SETD5: variants seen among roughly 807,000 people sequenced by gnomAD.
SETD5 encodes the protein SET domain containing 5.
Under a neutral mutation model 153.3 loss-of-function variants are expected in SETD5, and 44 were observed. The ratio of observed to expected loss-of-function variants is 0.29; its 90% CI spans 0.23 to 0.37. The LOEUF (loss-of-function observed/expected upper bound fraction) is 0.37. Ranked by LOEUF, SETD5 falls within the 10% of genes least tolerant of loss-of-function variation. The probability of loss-of-function intolerance (pLI) is 1.00; values close to 1 mark genes in which losing one functional copy is unlikely to be tolerated. For missense variants in SETD5, 1,544 were observed against 1,768.0 expected, an observed-to-expected ratio of 0.87 and a Z score of 2.27; for synonymous variants, 716 against 645.2, an observed-to-expected ratio of 1.11 and a Z score of -1.66.
intron 18 of SETD5, chr3:9,464,878 C>A: frequency 1.6e-6 from 1 of 637,158 alleles, no homozygotes; most frequent in Non-Finnish European, 2.7e-6. Context: ...AATAGGCATA[C>A]TGCTACCACA....
At chr3:9,457,040 A>C (rs547903126) in intron 17 of SETD5, among the ~76,000 whole-genome samples, 1 of 152,168 alleles carries the variant, frequency 6.6e-6, no homozygotes, top group East Asian at 1.9e-4. Flanking sequence ...GAAGAAAGAA[A>C]TACACTAAAT....
intron 15 of SETD5, 128 bp from the exon 16 acceptor site, chr3:9,448,260 A>T: frequency 2.1e-5 from 29 of 1,378,454 alleles, no homozygotes; most frequent in Non-Finnish European, 2.7e-5. Flanking sequence ...CTTGTGTTCT[A>T]GTTGCTCAAT....
chr3:9,406,431 C>T (rs140872590), intron 1 of SETD5, among the ~76,000 whole-genome samples: 12 of 150,432 alleles, frequency 8.0e-5, no homozygotes, highest in African/African-American at 2.9e-4. Context: ...GAAATATATT[C>T]GGTGGAATGC....
intron 1 of SETD5, among the ~76,000 whole-genome samples, chr3:9,416,109 A>G (rs1421786948): frequency 2.0e-5 from 3 of 152,096 alleles, no homozygotes; most frequent in Non-Finnish European, 4.4e-5. Flanking sequence ...TTGGTTTGTG[A>G]CACTCAGTGT....
intron 18 of SETD5, chr3:9,468,408 G>A (rs920119171): frequency 1.0e-4 from 79 of 783,320 alleles, no homozygotes; most frequent in Middle Eastern, 2.8e-4. Flanking sequence ...CAACTTCCCC[G>A]CCCCCGAAAA....
rs1466785192 is a variant in SETD5, at chr3:9,430,072, CCT to C, written c.71+1064_71+1065del. 1.2e-5 allele frequency: 13 copies of C among 1,053,646 alleles called. No individual in the cohort carries two copies. The Admixed American group carries it at 1.6e-4, about 13-fold the overall frequency. 65.3% of individuals were successfully genotyped at this position (1,053,646 alleles called of 1,614,324 possible). A position where few individuals can be genotyped will look rare whatever the true frequency, so the allele number is the denominator to read the frequency against. ...GTGAGGTGGGTGTTGCTCTAATTCC[CCT>C]GTTTCTCTTGCCATTTTCACAGTCC... On this transcript the variant is annotated intron_variant, in intron 3 of 22. Coordinates refer to ENST00000402198, the MANE Select transcript of SETD5 (RefSeq NM_001080517.3).
chr3:9,446,757 C>T (rs995206356), intron 13 of SETD5, among the ~76,000 whole-genome samples: 6 of 152,152 alleles, frequency 3.9e-5, no homozygotes, highest in African/African-American at 4.8e-5. Context: ...TCCCAAAGTA[C>T]TGGGATTACA....
intron 1 of SETD5, among the ~76,000 whole-genome samples, chr3:9,414,923 A>G (rs533591337): frequency 6.6e-6 from 1 of 152,290 alleles, no homozygotes; most frequent in African/African-American, 2.4e-5. Flanking sequence ...CTCAGGAAAA[A>G]ATAAGTTTAT....
intron 1 of SETD5, among the ~76,000 whole-genome samples, chr3:9,414,648 A>G (rs1267778572): frequency 6.6e-6 from 1 of 152,198 alleles, no homozygotes; most frequent in Non-Finnish European, 1.5e-5. Flanking sequence ...CAGAAGAATT[A>G]CTAGTTCTCC....
At chr3:9,459,306 G>T (rs1387576920) in intron 17 of SETD5, among the ~76,000 whole-genome samples, 1 of 152,118 alleles carries the variant, frequency 6.6e-6, no homozygotes, top group African/African-American at 2.4e-5. Context: ...GGTAGAATTT[G>T]TAATTTTATC....
chr3:9,441,648 C>T lies in SETD5; in HGVS notation c.866C>T (p.Ala289Val). 6.2e-7 allele frequency: 1 copy of T among 1,613,914 alleles called. No individual in the cohort carries two copies. Among genetic ancestry groups the T allele is most frequent in the Non-Finnish European group, 8.5e-7 (1 of 1,179,840 alleles). ...VQKHRKILRA[A>V]RDLALDTLII... The stretch of plus-strand genomic sequence containing the variant: ...AAGCACCGGAAGATCCTGAGGGCTG[C>T]AAGAGATTTGGCTTTGGACACTCTT... Residue 289 changes from alanine (A) to valine (V), a missense_variant, in exon 9 of 23, where the codon GCA becomes GTA. This residue lies in a region of SETD5 where 30 missense variants were observed against 66.0 expected (regional missense o/e 0.45). Coordinates refer to ENST00000402198, the MANE Select transcript of SETD5 (RefSeq NM_001080517.3).
At position 9,440,709 on chromosome 3, in the gene SETD5, A is replaced by G. The variant is rs751068356; in HGVS notation, c.810+11A>G. 3.1e-6 allele frequency: 5 copies of G among 1,611,000 alleles called. No homozygotes were observed. The highest frequency in any genetic ancestry group is 2.5e-6 in the Non-Finnish European group (3 of 1,178,544). ...GGTTCCCAAATGCAGGTAAGCACCA[A>G]AGGGTTGAGGACTCTCTAAGTAGCT... On this transcript the variant is annotated intron_variant, in intron 8 of 22. Transcript: ENST00000402198.
chr3:9,435,697 G>C, intron 6 of SETD5, 31 bp from the exon 7 acceptor site: 4 of 1,534,074 alleles, frequency 2.6e-6, no homozygotes, highest in Non-Finnish European at 3.5e-6. Flanking sequence ...GAGGCTATTA[G>C]TACCTGAACT....
chr3:9,430,796 G>A (rs2039870850), intron 3 of SETD5: 1 of 983,438 alleles, frequency 1.0e-6, no homozygotes. Flanking sequence ...GGGGAGTCTA[G>A]GACTAATTCC....
At chr3:9,415,088 G>A (rs1454552513) in intron 1 of SETD5, among the ~76,000 whole-genome samples, 1 of 152,136 alleles carries the variant, frequency 6.6e-6, no homozygotes, top group Non-Finnish European at 1.5e-5. Flanking sequence ...AAAAGAGACA[G>A]TAACATAAAT....
chr3:9,436,025 TTC>T, intron 7 of SETD5, 119 bp downstream of exon 7: 1 of 904,158 alleles, frequency 1.1e-6, no homozygotes. Flanking sequence ...GCCACTTTTG[TTC>T]TACTTGCAAA....
chr3:9,407,903 G>C (rs1210813934), intron 1 of SETD5, among the ~76,000 whole-genome samples: 1 of 152,126 alleles, frequency 6.6e-6, no homozygotes, highest in Non-Finnish European at 1.5e-5. Flanking sequence ...GGGAGGCTGA[G>C]GCAGGAGAAT....
At chr3:9,462,594 A>G (rs906456155) in intron 17 of SETD5, among the ~76,000 whole-genome samples, 9 of 148,560 alleles carry the variant, frequency 6.1e-5, no homozygotes, top group Non-Finnish European at 1.3e-4. Flanking sequence ...CTCAAAAAAA[A>G]AAAAAAAGAA....
At chr3:9,433,594 G>A in intron 3 of SETD5, 1 of 1,250,706 alleles carries the variant, frequency 8.0e-7, no homozygotes, top group Middle Eastern at 2.7e-4. Flanking sequence ...GGGACACCTT[G>A]TATCTCAGGT....
Sources: allele counts gnomAD v4.1 joint callset (sites outside exome capture counted in the v4.1 genomes callset), GRCh38; gene constraint gnomAD v4.1.1; regional missense constraint gnomAD v4.1.1; transcripts MANE v1.5; gene names NCBI Gene and HGNC (gene_info 2026-07-23, HGNC 2026-07-21).